CACNA1B: variants seen among roughly 807,000 people sequenced by gnomAD.
CACNA1B encodes calcium voltage-gated channel subunit alpha1 B.
In CACNA1B, 70 loss-of-function variants were observed where a neutral mutation model predicts 247.2. That is an observed-to-expected ratio of 0.28 (90% CI 0.23 to 0.35). The LOEUF (loss-of-function observed/expected upper bound fraction) is 0.35, where lower values mean the gene tolerates loss of function less well. Among genes scored for constraint, CACNA1B ranks in the 10% least tolerant of loss-of-function variants. The pLI is 1.00. For missense variants in CACNA1B, 2,367 were observed against 3,197.4 expected, an observed-to-expected ratio of 0.74 and a Z score of 6.26; for synonymous variants, 1,231 against 1,294.4, an observed-to-expected ratio of 0.95 and a Z score of 1.05.
At chr9:138,044,837 C>G (rs768809919) in intron 21 of CACNA1B, among the ~76,000 whole-genome samples, 2 of 152,246 alleles carry the variant, frequency 1.3e-5, no homozygotes, top group Non-Finnish European at 2.9e-5. Context: ...CCTCCTCCCC[C>G]CAGTCACTCT....
chr9:138,111,657 T>A (rs1308118887), intron 39 of CACNA1B, among the ~76,000 whole-genome samples: 1 of 152,228 alleles, frequency 6.6e-6, no homozygotes, highest in Non-Finnish European at 1.5e-5. Flanking sequence ...ATAAACCTGA[T>A]GTTCAAGAAA....
chr9:138,023,305 C>T lies in CACNA1B; in HGVS notation c.2562C>T (p.His854=). 6.6e-7 allele frequency: 1 copy of T among 1,515,464 alleles called. No homozygotes were observed. Among genetic ancestry groups the T allele is most frequent in the Non-Finnish European group, 8.8e-7 (1 of 1,139,766 alleles). The allele number at this position is 1,515,464 out of a possible 1,614,324, so 93.9% of individuals were successfully genotyped here. A position where few individuals can be genotyped will look rare whatever the true frequency, so the allele number is the denominator to read the frequency against. ...GVDPPRRHHR[H]RDKDKTPAAG... is the part of the protein sequence containing the mutation. ...ACCCTCCGCGCAGGCACCACCGGCA[C>T]CGCGACAAGGACAAGACCCCCGCGG... The change falls in exon 19 of 47, where the codon CAC becomes CAT. Residue 854 remains histidine (H), a synonymous_variant. Coordinates refer to ENST00000371372, the MANE Select transcript of CACNA1B (RefSeq NM_000718.4).
chr9:137,945,993 T>A (rs752037503), intron 6 of CACNA1B, among the ~76,000 whole-genome samples: 8 of 152,242 alleles, frequency 5.3e-5, no homozygotes, highest in Non-Finnish European at 8.8e-5. Flanking sequence ...TAATTTTTTT[T>A]ATATTTTTAG....
intron 3 of CACNA1B, among the ~76,000 whole-genome samples, chr9:137,902,491 A>G (rs1228388052): frequency 1.3e-5 from 2 of 152,146 alleles, no homozygotes; most frequent in African/African-American, 4.8e-5. Flanking sequence ...TGTGTGTTGT[A>G]ATTTCCTTTT....
chr9:138,115,935 A>G (rs113688356), intron 42 of CACNA1B, among the ~76,000 whole-genome samples: 38 of 152,290 alleles, frequency 2.5e-4, no homozygotes, highest in Middle Eastern at 6.8e-3. Context: ...TGCTTGTTGT[A>G]CTTGCTGCCT....
intron 6 of CACNA1B, among the ~76,000 whole-genome samples, chr9:137,930,985 C>T (rs1479332486): frequency 6.6e-6 from 1 of 151,942 alleles, no homozygotes; most frequent in African/African-American, 2.4e-5. Context: ...CACTGTCACC[C>T]AGGATGGAGT....
At chr9:138,096,377 A>AC (rs1443007427) in intron 36 of CACNA1B, 107 bp from the exon 37 acceptor site, 1 of 882,258 alleles carries the variant, frequency 1.1e-6, no homozygotes, top group Non-Finnish European at 1.8e-6. Flanking sequence ...AATCAGAGTG[A>AC]CCCCTGCTAT....
intron 36 of CACNA1B, among the ~76,000 whole-genome samples, chr9:138,092,202 G>C (rs146460206): frequency 6.6e-6 from 1 of 152,084 alleles, no homozygotes; most frequent in Non-Finnish European, 1.5e-5. Flanking sequence ...GCAGACAACC[G>C]GTCTGACTAG....
chr9:138,112,251 C>T, intron 39 of CACNA1B, 147 bp from the exon 40 acceptor site: 1 of 640,246 alleles, frequency 1.6e-6, no homozygotes, highest in Non-Finnish European at 2.9e-6. Context: ...TTTGTTCCCA[C>T]TGCACCCTCC....
intron 18 of CACNA1B, among the ~76,000 whole-genome samples, chr9:138,021,083 T>C (rs948012236): frequency 2.0e-5 from 3 of 152,230 alleles, no homozygotes; most frequent in African/African-American, 7.2e-5. Flanking sequence ...CTCCTGTGCC[T>C]GGTGCAAGCC....
rs765448069 is a variant in CACNA1B, at chr9:138,102,896, CA to C, written c.5319+90del. The C allele has an allele frequency of 1.1e-4, 85 of 776,910 alleles. 1 individual carries two copies. The highest frequency in any genetic ancestry group is 1.6e-4 in the Non-Finnish European group (77 of 482,606). The allele number at this position is 776,910 out of a possible 1,614,324, so 48.1% of individuals were successfully genotyped here. A position where few individuals can be genotyped will look rare whatever the true frequency, so the allele number is the denominator to read the frequency against. ...TGGCTCTCCCAGCTCCTCTCCCTTT[CA>C]GGGTGCCCGGCTGTCTGTCTGCCGC... is the stretch of plus-strand genomic sequence containing the variant. On this transcript the variant is annotated intron_variant, in intron 38 of 46. Coordinates refer to ENST00000371372, the MANE Select transcript of CACNA1B (RefSeq NM_000718.4). The surrounding 1 kb of genome is among the most constrained non-coding windows in gnomAD (Gnocchi z 5.4).
chr9:138,048,226 T>A (rs1482086782), intron 23 of CACNA1B, among the ~76,000 whole-genome samples: 1 of 152,198 alleles, frequency 6.6e-6, no homozygotes, highest in Non-Finnish European at 1.5e-5. Context: ...AGCGAGGTTA[T>A]GTTACCGGCC....
rs57190505 is a variant in CACNA1B, at chr9:137,899,050, G to C, written c.531-14130G>C. Among the ~76,000 whole-genome samples the C allele has an allele frequency of 7.3e-3, 1,111 of 151,680 alleles. 21 individuals are homozygous for C. The highest frequency in any genetic ancestry group is 0.024 in the African/African-American group (991 of 41,350). Reference sequence around the variant, plus strand: ...GCTTTCCAAAGTGCTGGGATTGTAGGTGTGAGCCACCCTGCCTGGCCTTCT... The same window carrying C: ...GCTTTCCAAAGTGCTGGGATTGTAGCTGTGAGCCACCCTGCCTGGCCTTCT... On this transcript the variant is annotated intron_variant, in intron 3 of 46. Coordinates refer to ENST00000371372, the MANE Select transcript of CACNA1B (RefSeq NM_000718.4). The surrounding 1 kb of genome is among the most constrained non-coding windows in gnomAD (Gnocchi z 5.0).
chr9:137,923,257 GTGGTGCCAGGTGGTATTCCA>G (rs1327169281), intron 6 of CACNA1B, among the ~76,000 whole-genome samples: 37 of 143,894 alleles, frequency 2.6e-4, no homozygotes, highest in Admixed American at 7.5e-4. Context: ...GTGGTATTCC[GTGGTGCCAGGTGGTATTCCA>G]TGGTGCCAGG....
At chr9:137,892,510 T>A in intron 3 of CACNA1B, 1 of 376,288 alleles carries the variant, frequency 2.7e-6, no homozygotes, top group Non-Finnish European at 5.3e-6. Flanking sequence ...TTCCTCTGAC[T>A]GTGGGTCCTT....
chr9:138,069,990 G>A (rs923067803), intron 32 of CACNA1B, among the ~76,000 whole-genome samples: 1 of 152,208 alleles, frequency 6.6e-6, no homozygotes, highest in Non-Finnish European at 1.5e-5. Flanking sequence ...GGAACTGGCC[G>A]TGGGCAGGGC....
chr9:138,107,661 C>G (rs1961478577), intron 39 of CACNA1B, among the ~76,000 whole-genome samples: 2 of 151,988 alleles, frequency 1.3e-5, no homozygotes, highest in African/African-American at 4.8e-5. Context: ...TGTCTGCCTT[C>G]AACACAACAG....
At chr9:137,936,994 G>C (rs1957676223) in intron 6 of CACNA1B, among the ~76,000 whole-genome samples, 1 of 152,214 alleles carries the variant, frequency 6.6e-6, no homozygotes, top group African/African-American at 2.4e-5. Context: ...GAACTTTAAA[G>C]TAGTTTTTTC....
At chr9:138,049,640 C>T (rs1324139892) in intron 24 of CACNA1B, among the ~76,000 whole-genome samples, 1 of 152,134 alleles carries the variant, frequency 6.6e-6, no homozygotes, top group Non-Finnish European at 1.5e-5. Flanking sequence ...CCGGGCGGCA[C>T]AGCCTCTGGT....
Sources: allele counts gnomAD v4.1 joint callset (sites outside exome capture counted in the v4.1 genomes callset), GRCh38; gene constraint gnomAD v4.1.1; non-coding constraint Gnocchi (gnomAD v3.1); transcripts MANE v1.5; gene names NCBI Gene and HGNC (gene_info 2026-07-23, HGNC 2026-07-21).